The following ZDHHC2 variants were observed in gnomAD, a reference collection of about 807,000 sequenced individuals.
ZDHHC2 encodes the protein palmitoyltransferase ZDHHC2.
In ZDHHC2, 51 loss-of-function variants were observed where a neutral mutation model predicts 55.6. The observed-to-expected ratio is 0.92, with a 90% CI of 0.73 to 1.16. The LOEUF is 1.16. Ranked by LOEUF, ZDHHC2 falls within the 50% of genes most tolerant of loss-of-function variation. The pLI is 0.00. For missense variants in ZDHHC2, 491 were observed against 442.4 expected, an observed-to-expected ratio of 1.11 and a Z score of -0.99; for synonymous variants, 199 against 152.9, an observed-to-expected ratio of 1.30 and a Z score of -2.22.
intron 3 of ZDHHC2, among the ~76,000 whole-genome samples, chr8:17,193,040 G>A (rs377161137): frequency 5.3e-5 from 8 of 152,264 alleles, no homozygotes; most frequent in African/African-American, 1.9e-4. Context: ...CCAGTACCGT[G>A]CTATTTAGGT....
intron 3 of ZDHHC2, among the ~76,000 whole-genome samples, chr8:17,189,644 A>C (rs1805917470): frequency 6.6e-6 from 1 of 152,200 alleles, no homozygotes; most frequent in African/African-American, 2.4e-5. Context: ...AACAGTGAAG[A>C]CCTAAGTGGG....
chr8:17,161,977 A>G (rs1177449887), intron 1 of ZDHHC2, among the ~76,000 whole-genome samples: 2 of 152,254 alleles, frequency 1.3e-5, no homozygotes, highest in Non-Finnish European at 2.9e-5. Context: ...TTATGTGAAT[A>G]GGGTAATAAA....
At chr8:17,194,753 T>C (rs1443711093) in intron 3 of ZDHHC2, among the ~76,000 whole-genome samples, 1 of 152,184 alleles carries the variant, frequency 6.6e-6, no homozygotes, top group Non-Finnish European at 1.5e-5. Flanking sequence ...ATTATTTGGA[T>C]ATATCATACT....
At position 17,186,988 on chromosome 8, in the gene ZDHHC2, C is replaced by G. The variant is rs543819349; in HGVS notation, c.252+563C>G. ...CACATCTACATTGTAGCCAGCAGAC[C>G]AAAGAAAGTAGGAAAGAGAAGTAAA... On this transcript the variant is annotated intron_variant, in intron 3 of 12. Transcript: ENST00000262096. Among the ~76,000 whole-genome samples, 7 of 152,184 alleles carry G rather than the reference C, an allele frequency of 4.6e-5. No homozygotes were observed. In the South Asian group the frequency reaches 1.5e-3, roughly 32 times the overall value.
At chr8:17,214,714 G>C (rs913451560) in intron 10 of ZDHHC2, among the ~76,000 whole-genome samples, 5 of 152,028 alleles carry the variant, frequency 3.3e-5, no homozygotes, top group African/African-American at 1.2e-4. Context: ...TTTGTGATCA[G>C]GCTGGGCAAC....
At chr8:17,165,303 A>AG (rs1338791905) in intron 1 of ZDHHC2, among the ~76,000 whole-genome samples, 1 of 152,268 alleles carries the variant, frequency 6.6e-6, no homozygotes, top group Non-Finnish European at 1.5e-5. Context: ...GGATTTATGT[A>AG]CTTAACTATG....
At chr8:17,161,868 TAAA>T (rs890599986) in intron 1 of ZDHHC2, among the ~76,000 whole-genome samples, 1 of 151,850 alleles carries the variant, frequency 6.6e-6, no homozygotes, top group African/African-American at 2.4e-5. Flanking sequence ...CTCAAAAAAA[TAAA>T]AAATAAAAAA....
chr8:17,164,838 G>C (rs1804525002), intron 1 of ZDHHC2, among the ~76,000 whole-genome samples: 1 of 152,166 alleles, frequency 6.6e-6, no homozygotes, highest in African/African-American at 2.4e-5. Flanking sequence ...CTGTCTCTGT[G>C]TTTACTGCAT....
chr8:17,159,825 C>T (rs1804246228), intron 1 of ZDHHC2, among the ~76,000 whole-genome samples: 1 of 152,124 alleles, frequency 6.6e-6, no homozygotes, highest in Non-Finnish European at 1.5e-5. Flanking sequence ...TAACGAGGCT[C>T]TTCTATTTGT....
chr8:17,210,164 G>A, intron 9 of ZDHHC2, 106 bp downstream of exon 9: 1 of 1,316,214 alleles, frequency 7.6e-7, no homozygotes, highest in South Asian at 1.6e-5. Context: ...TTCTGTGTAG[G>A]AACTCTTATT....
At chr8:17,194,614 T>C (rs1806210686) in intron 3 of ZDHHC2, among the ~76,000 whole-genome samples, 1 of 152,144 alleles carries the variant, frequency 6.6e-6, no homozygotes, top group Non-Finnish European at 1.5e-5. Context: ...TTGCTGGTTT[T>C]AAAATTATAT....
intron 1 of ZDHHC2, among the ~76,000 whole-genome samples, chr8:17,172,496 T>G (rs888001450): frequency 2.6e-5 from 4 of 152,168 alleles, no homozygotes; most frequent in Admixed American, 6.5e-5. Flanking sequence ...ATGAATGAGT[T>G]CTAGAGATCG....
At chr8:17,182,289 G>C (rs59975807) in intron 1 of ZDHHC2, among the ~76,000 whole-genome samples, 2 of 151,920 alleles carry the variant, frequency 1.3e-5, no homozygotes, top group African/African-American at 2.4e-5. Context: ...TAACTAAGTA[G>C]GCCAATAGGA....
intron 4 of ZDHHC2, among the ~76,000 whole-genome samples, chr8:17,196,014 G>A (rs1044815211): frequency 2.6e-5 from 4 of 152,094 alleles, no homozygotes; most frequent in Non-Finnish European, 5.9e-5. Context: ...ACTTTTACAT[G>A]TATTTTTTCG....
At chr8:17,186,474 A>G (rs769195342) in intron 3 of ZDHHC2, 49 bp downstream of exon 3, 2 of 1,132,112 alleles carry the variant, frequency 1.8e-6, no homozygotes, top group South Asian at 1.8e-5. Flanking sequence ...AATCAATAAT[A>G]CTGATGTATT....
rs1163217896 is a variant in ZDHHC2, at chr8:17,156,864, C to T, written c.130+11C>T. On this transcript the variant is annotated intron_variant, in intron 1 of 12. Coordinates refer to ENST00000262096, the MANE Select transcript of ZDHHC2 (RefSeq NM_016353.5). ...TCCAGCTGTGCATAGGTGAGTGCGCCCCCCGCCGCGGCGCCCCCAGCGCAG... is the reference window on the plus strand; with the variant it reads ...TCCAGCTGTGCATAGGTGAGTGCGCTCCCCGCCGCGGCGCCCCCAGCGCAG... The T allele has an allele frequency of 1.3e-6, 2 of 1,489,342 alleles. No individual in the cohort carries two copies. The highest frequency in any genetic ancestry group is 5.9e-5 in the East Asian group (2 of 33,938). 92.3% of individuals were successfully genotyped at this position (1,489,342 alleles called of 1,614,324 possible).
At chr8:17,208,318 ATATC>A (rs1276204759) in intron 8 of ZDHHC2, among the ~76,000 whole-genome samples, 3 of 149,714 alleles carry the variant, frequency 2.0e-5, no homozygotes, top group African/African-American at 4.9e-5. Flanking sequence ...GACTATATAT[ATATC>A]TATATATAGA....
chr8:17,209,114 A>T (rs1302038318), intron 8 of ZDHHC2, among the ~76,000 whole-genome samples: 4 of 152,152 alleles, frequency 2.6e-5, no homozygotes, highest in African/African-American at 4.8e-5. Flanking sequence ...TTTTGAAGGA[A>T]TGTTGATGAC....
At chr8:17,212,093 A>G (rs1807415890) in intron 10 of ZDHHC2, among the ~76,000 whole-genome samples, 1 of 152,180 alleles carries the variant, frequency 6.6e-6, no homozygotes, top group South Asian at 2.1e-4. Flanking sequence ...ATCTTGAAGA[A>G]GTTAAATAAT....
Sources: allele counts gnomAD v4.1 joint callset (sites outside exome capture counted in the v4.1 genomes callset), GRCh38; gene constraint gnomAD v4.1.1; transcripts MANE v1.5; gene names NCBI Gene and HGNC (gene_info 2026-07-23, HGNC 2026-07-21).